Variants in INSYN2B observed in about 807,000 individuals in gnomAD.
INSYN2B encodes the protein protein INSYN2B.
INSYN2B carries 16 observed loss-of-function variants against 41.2 expected under a neutral mutation model. The ratio of observed to expected loss-of-function variants is 0.39; its 90% CI spans 0.26 to 0.59. INSYN2B has a LOEUF of 0.59. Ranked by LOEUF, INSYN2B falls within the 20% of genes least tolerant of loss-of-function variation. INSYN2B has a pLI of 0.57. For missense variants in INSYN2B, 608 were observed against 646.4 expected, an observed-to-expected ratio of 0.94 and a Z score of 0.64; for synonymous variants, 245 against 244.4, an observed-to-expected ratio of 1.00 and a Z score of -0.02.
At chr5:169,908,403 C>A (rs116758662) in intron 1 of INSYN2B, among the ~76,000 whole-genome samples, 1 of 152,244 alleles carries the variant, frequency 6.6e-6, no homozygotes, top group South Asian at 2.1e-4. Context: ...AATATGCTTT[C>A]CCCTGCTCCA....
chr5:169,893,843 T>A (rs538286401), intron 1 of INSYN2B, among the ~76,000 whole-genome samples: 55 of 152,180 alleles, frequency 3.6e-4, no homozygotes, highest in Non-Finnish European at 6.3e-4. Context: ...AGGGATCCAG[T>A]TGGAATGGAA....
chr5:169,894,741 C>T (rs1045441155), intron 1 of INSYN2B, among the ~76,000 whole-genome samples: 4 of 152,326 alleles, frequency 2.6e-5, no homozygotes, highest in Middle Eastern at 3.4e-3. Flanking sequence ...TAAATGGTGA[C>T]TTCCACTGTT....
chr5:169,925,578 T>TAAAAAAAAAAAA lies in INSYN2B; in HGVS notation c.-918-40763_-918-40762insTTTTTTTTTTTT, dbSNP rs1561828965. ...CTGGGCGACAGAGCAAGACTCTGTC[T>TAAAAAAAAAAAA]TAAAAAAAAAAAAAAAAAAAAAAAA... On this transcript the variant is annotated intron_variant, in intron 1 of 3. Coordinates refer to ENST00000377365, the MANE Select transcript of INSYN2B (RefSeq NM_001129891.3). Among the ~76,000 whole-genome samples, 5 of 32,324 alleles carry TAAAAAAAAAAAA rather than the reference T, an allele frequency of 1.5e-4. 2 individuals are homozygous for TAAAAAAAAAAAA. The highest frequency in any genetic ancestry group is 2.6e-4 in the African/African-American group (2 of 7,838). 21.2% of individuals were successfully genotyped at this position (32,324 alleles called of 152,430 possible). A position where few individuals can be genotyped will look rare whatever the true frequency, so the allele number is the denominator to read the frequency against.
chr5:169,933,349 C>T (rs1775844695), intron 1 of INSYN2B, among the ~76,000 whole-genome samples: 1 of 152,220 alleles, frequency 6.6e-6, no homozygotes, highest in African/African-American at 2.4e-5. Context: ...TGCCCCACCC[C>T]TAAGGATATG....
rs1391781910 is a variant in INSYN2B, at chr5:169,883,918, T to A, written c.-20A>T. On this transcript the variant is annotated 5_prime_UTR_variant, in exon 2 of 4. Transcript: ENST00000377365. ...GGCCATTGAGCCTCAGTGGGAAGGATCAGGACCATACACTTCTCCTAGGCA... is the reference window on the plus strand; with the variant it reads ...GGCCATTGAGCCTCAGTGGGAAGGAACAGGACCATACACTTCTCCTAGGCA... The A allele has an allele frequency of 6.8e-7, 1 of 1,478,774 alleles. No homozygotes were observed. Among genetic ancestry groups the A allele is most frequent in the East Asian group, 2.5e-5 (1 of 40,380 alleles). The allele number at this position is 1,478,774 out of a possible 1,614,324, so 91.6% of individuals were successfully genotyped here. A position where few individuals can be genotyped will look rare whatever the true frequency, so the allele number is the denominator to read the frequency against.
At chr5:169,963,317 C>T (rs1777166880) in intron 1 of INSYN2B, among the ~76,000 whole-genome samples, 1 of 152,144 alleles carries the variant, frequency 6.6e-6, no homozygotes, top group Non-Finnish European at 1.5e-5. Context: ...CACAGCAGCC[C>T]TGACCTGACT....
At chr5:169,935,970 G>A (rs1027963608) in intron 1 of INSYN2B, among the ~76,000 whole-genome samples, 1 of 152,160 alleles carries the variant, frequency 6.6e-6, no homozygotes, top group Admixed American at 6.5e-5. Flanking sequence ...AAAAGGCCAG[G>A]TACACAGCCT....
At chr5:169,941,681 T>A (rs1407130841) in intron 1 of INSYN2B, among the ~76,000 whole-genome samples, 1 of 152,162 alleles carries the variant, frequency 6.6e-6, no homozygotes, top group East Asian at 1.9e-4. Context: ...TATGGCATGA[T>A]TTTATTGGAA....
In INSYN2B at chr5:169,862,204, T is replaced by C. The variant is rs574154838; in HGVS notation, c.*2069A>G. 6.6e-6 allele frequency among the ~76,000 whole-genome samples: 1 copy of C among 152,358 alleles called. No homozygotes were observed. The highest frequency in any genetic ancestry group is 2.4e-5 in the African/African-American group (1 of 41,588). ...TAAAGTAGGAAAGCATATGTTCTTA[T>C]CTGTATTCAAGAATGGACAAACAGG... On this transcript the variant is annotated 3_prime_UTR_variant, in exon 4 of 4. Coordinates refer to ENST00000377365, the MANE Select transcript of INSYN2B (RefSeq NM_001129891.3).
chr5:169,933,141 G>C (rs879085529), intron 1 of INSYN2B, among the ~76,000 whole-genome samples: 19 of 152,218 alleles, frequency 1.2e-4, no homozygotes, highest in Non-Finnish European at 2.6e-4. Flanking sequence ...TAAGGAGAAG[G>C]GTGTAGAAAC....
At chr5:169,911,789 A>G (rs1774611709) in intron 1 of INSYN2B, among the ~76,000 whole-genome samples, 1 of 152,232 alleles carries the variant, frequency 6.6e-6, no homozygotes, top group Non-Finnish European at 1.5e-5. Flanking sequence ...TTGGGTCACC[A>G]AGTTACATCA....
chr5:169,894,716 A>G (rs1490591140), intron 1 of INSYN2B, among the ~76,000 whole-genome samples: 1 of 152,224 alleles, frequency 6.6e-6, no homozygotes, highest in Non-Finnish European at 1.5e-5. Context: ...TGTGCAACAC[A>G]CAGTAGGTGC....
intron 1 of INSYN2B, among the ~76,000 whole-genome samples, chr5:169,926,854 C>T (rs533384725): frequency 6.6e-6 from 1 of 152,276 alleles, no homozygotes; most frequent in Admixed American, 6.5e-5. Context: ...ATGTCCCTCC[C>T]TCTAGGTCTT....
chr5:169,872,043 G>C (rs1772011457), intron 3 of INSYN2B, among the ~76,000 whole-genome samples: 3 of 152,154 alleles, frequency 2.0e-5, no homozygotes, highest in African/African-American at 7.2e-5. Flanking sequence ...ATGCCAACAA[G>C]CCACTGCCAT....
At position 169,863,068 on chromosome 5, in the gene INSYN2B, T is replaced by C. The variant is rs1643906967; in HGVS notation, c.*1205A>G. 1.3e-5 allele frequency among the ~76,000 whole-genome samples: 2 copies of C among 152,228 alleles called. No homozygotes were observed. Among genetic ancestry groups the C allele is most frequent in the Non-Finnish European group, 2.9e-5 (2 of 68,046 alleles). On this transcript the variant is annotated 3_prime_UTR_variant, in exon 4 of 4. Coordinates refer to ENST00000377365, the MANE Select transcript of INSYN2B (RefSeq NM_001129891.3). ...AGAGTATATAGCAATTACTTAATTA[T>C]ATTACTTTAGTAGTTTGTTCAGCCA... is the stretch of plus-strand genomic sequence containing the variant.
intron 1 of INSYN2B, among the ~76,000 whole-genome samples, chr5:169,921,313 G>A (rs1305324025): frequency 2.0e-5 from 3 of 152,164 alleles, no homozygotes; most frequent in Non-Finnish European, 4.4e-5. Context: ...AATCTATATA[G>A]GAATAGGAAA....
At chr5:169,936,599 T>TC (rs1436303619) in intron 1 of INSYN2B, among the ~76,000 whole-genome samples, 1 of 130,786 alleles carries the variant, frequency 7.6e-6, no homozygotes, top group East Asian at 2.0e-4. Context: ...TTTTTTTTTT[T>TC]ATGAATTAGC....
At chr5:169,895,377 C>A (rs1176706408) in intron 1 of INSYN2B, among the ~76,000 whole-genome samples, 1 of 152,124 alleles carries the variant, frequency 6.6e-6, no homozygotes, top group Non-Finnish European at 1.5e-5. Flanking sequence ...TTCTCACTCT[C>A]CAGGATAGGA....
At chr5:169,904,647 C>T (rs1416664328) in intron 1 of INSYN2B, among the ~76,000 whole-genome samples, 3 of 152,180 alleles carry the variant, frequency 2.0e-5, no homozygotes, top group African/African-American at 4.8e-5. Context: ...GTGAGGGCCC[C>T]GCAGTCCTTT....
Sources: allele counts gnomAD v4.1 joint callset (sites outside exome capture counted in the v4.1 genomes callset), GRCh38; gene constraint gnomAD v4.1.1; transcripts MANE v1.5; gene names NCBI Gene and HGNC (gene_info 2026-07-23, HGNC 2026-07-21).